Variants in CHODL observed in about 807,000 individuals in gnomAD.
CHODL encodes chondrolectin, also known as transmembrane protein MT75.
A neutral mutation model predicts 34.5 loss-of-function variants in CHODL; 29 were observed. The ratio of observed to expected loss-of-function variants is 0.84; its 90% CI spans 0.63 to 1.15. The LOEUF (loss-of-function observed/expected upper bound fraction) is 1.15, where lower values mean the gene tolerates loss of function less well. Ranked by LOEUF, CHODL falls within the 50% of genes most tolerant of loss-of-function variation. The pLI is 0.00. For synonymous variants in CHODL, 125 were observed against 116.1 expected (o/e 1.08, Z -0.49); for missense variants, 332 against 332.5 (o/e 1.00, Z 0.01).
intron 2 of CHODL, among the ~76,000 whole-genome samples, chr21:18,171,251 C>CTGCGGACT (rs1243537384): frequency 8.6e-6 from 1 of 115,854 alleles, no homozygotes; most frequent in African/African-American, 3.5e-5. Context: ...CCAGGCCAGA[C>CTGCGGACT]TGCGGACTGC....
chr21:17,968,631 C>CTTCCAA (rs1306975330), intron 1 of CHODL, among the ~76,000 whole-genome samples: 1 of 152,130 alleles, frequency 6.6e-6, no homozygotes, highest in African/African-American at 2.4e-5. Flanking sequence ...CCTTGTTAGT[C>CTTCCAA]TTCCAATTCC....
intron 2 of CHODL, among the ~76,000 whole-genome samples, chr21:18,121,044 C>T (rs1177777020): frequency 6.6e-6 from 1 of 152,108 alleles, no homozygotes; most frequent in East Asian, 1.9e-4. Flanking sequence ...TCATTTTGTA[C>T]CCTGGCTGTC....
At chr21:18,090,567 A>G (rs1343556532) in intron 2 of CHODL, among the ~76,000 whole-genome samples, 1 of 152,154 alleles carries the variant, frequency 6.6e-6, no homozygotes, top group Non-Finnish European at 1.5e-5. Context: ...CCCTAAAATA[A>G]CAACAGTGTG....
At chr21:18,019,591 T>G (rs1387028423) in intron 1 of CHODL, among the ~76,000 whole-genome samples, 1 of 152,204 alleles carries the variant, frequency 6.6e-6, no homozygotes, top group African/African-American at 2.4e-5. Flanking sequence ...TACCTCATAA[T>G]TATATATAAC....
rs1177005708 is a variant in CHODL at position 18,171,198 on chromosome 21, G to GTTTTTTTTT, written c.-44-85300_-44-85292dup. On this transcript the variant is annotated intron_variant, in intron 2 of 6. Transcript: ENST00000400127. ...TGTTCTTCAGACATGGTTTTCTTTA[G>GTTTTTTTTT]TTTTTTTTTTTTTTTTTTTGAGACG... Among the ~76,000 whole-genome samples, 3 of 37,082 alleles carry GTTTTTTTTT rather than the reference G, an allele frequency of 8.1e-5. 1 individual carries two copies. The highest frequency in any genetic ancestry group is 1.4e-4 in the African/African-American group (1 of 6,942). 24.3% of individuals were successfully genotyped at this position (37,082 alleles called of 152,430 possible). A position where few individuals can be genotyped will look rare whatever the true frequency, so the allele number is the denominator to read the frequency against.
At chr21:18,146,165 G>T (rs1338037001) in intron 2 of CHODL, among the ~76,000 whole-genome samples, 1 of 148,224 alleles carries the variant, frequency 6.7e-6, no homozygotes, top group Non-Finnish European at 1.5e-5. Context: ...TTTTAGTAGA[G>T]ACGGGCTTTC....
chr21:18,097,558 A>C (rs901669728), intron 2 of CHODL, among the ~76,000 whole-genome samples: 1 of 152,118 alleles, frequency 6.6e-6, no homozygotes, highest in Non-Finnish European at 1.5e-5. Context: ...ACACTGATGA[A>C]AGAAATTGAA....
At chr21:18,252,210 A>G (rs2074265725) in intron 1 of CHODL, among the ~76,000 whole-genome samples, 1 of 152,150 alleles carries the variant, frequency 6.6e-6, no homozygotes, top group Non-Finnish European at 1.5e-5. Context: ...GTTCGACGGC[A>G]TAAATGTAAG....
intron 1 of CHODL, among the ~76,000 whole-genome samples, chr21:18,003,775 C>G (rs1345796689): frequency 3.3e-5 from 5 of 152,228 alleles, no homozygotes; most frequent in Non-Finnish European, 5.9e-5. Flanking sequence ...AAGAGCAGTT[C>G]TGTCAGATCG....
intron 1 of CHODL, among the ~76,000 whole-genome samples, chr21:17,974,420 G>T (rs369240286): frequency 1.3e-5 from 2 of 151,870 alleles, no homozygotes; most frequent in Non-Finnish European, 2.9e-5. Flanking sequence ...TTACAGGCTC[G>T]TGCCACCACA....
Position 18,077,383 on chromosome 21 carries a change from G to C in CHODL, c.-45+49412G>C, listed in dbSNP as rs114882531. ...ATGAGACTTTGGACTTTAGACTTTT[G>C]AGTTAATGCTGGAGCAAGTTAAGAT... On this transcript the variant is annotated intron_variant, in intron 2 of 6. Coordinates refer to the CHODL transcript ENST00000400127. Among the ~76,000 whole-genome samples the C allele has an allele frequency of 5.7e-3, 867 of 152,262 alleles. 6 individuals carry two copies. Among genetic ancestry groups the C allele is most frequent in the African/African-American group, 0.019 (810 of 41,548 alleles).
chr21:18,048,498 G>T (rs1459388888), intron 2 of CHODL, among the ~76,000 whole-genome samples: 1 of 151,624 alleles, frequency 6.6e-6, no homozygotes, highest in Non-Finnish European at 1.5e-5. Flanking sequence ...CATGAATTTA[G>T]AAAATCATTG....
chr21:18,177,645 G>A (rs919171266), intron 2 of CHODL, among the ~76,000 whole-genome samples: 5 of 152,068 alleles, frequency 3.3e-5, no homozygotes, highest in African/African-American at 7.2e-5. Context: ...CAACATTTGT[G>A]AACAAAATCG....
At chr21:18,176,252 A>G in intron 2 of CHODL, among the ~76,000 whole-genome samples, 1 of 152,212 alleles carries the variant, frequency 6.6e-6, no homozygotes, top group Non-Finnish European at 1.5e-5. Context: ...AGATTAAGAA[A>G]ATCTGGAGAG....
intron 2 of CHODL, among the ~76,000 whole-genome samples, chr21:18,237,079 T>C (rs2074035224): frequency 6.6e-6 from 1 of 152,070 alleles, no homozygotes; most frequent in Admixed American, 6.6e-5. Context: ...TTTGTGGAAA[T>C]TAAAAAGTAA....
chr21:17,982,162 C>T (rs2063719005), intron 1 of CHODL, among the ~76,000 whole-genome samples: 1 of 152,218 alleles, frequency 6.6e-6, no homozygotes, highest in African/African-American at 2.4e-5. Context: ...CAACAGGCCT[C>T]TCTTATCCCC....
At chr21:18,191,013 T>A (rs1025332639) in intron 2 of CHODL, among the ~76,000 whole-genome samples, 2 of 152,262 alleles carry the variant, frequency 1.3e-5, no homozygotes, top group African/African-American at 4.8e-5. Flanking sequence ...CCATGAGATA[T>A]TTGTGTCAAC....
chr21:17,958,904 G>A (rs539921627), intron 1 of CHODL, among the ~76,000 whole-genome samples: 1 of 152,022 alleles, frequency 6.6e-6, no homozygotes, highest in South Asian at 2.1e-4. Context: ...GCAAGATTGG[G>A]GGACTCAGCC....
At chr21:18,143,672 A>G (rs1461952745) in intron 2 of CHODL, among the ~76,000 whole-genome samples, 1 of 152,030 alleles carries the variant, frequency 6.6e-6, no homozygotes, top group East Asian at 1.9e-4. Context: ...TTTGTGAATG[A>G]TTTAAAATAT....
Sources: gnomAD v4.1 joint callset for allele counts (sites outside exome capture counted in the v4.1 genomes callset) on GRCh38, gnomAD v4.1.1 for gene constraint, MANE v1.5 for transcripts, NCBI Gene and HGNC (gene_info 2026-07-23, HGNC 2026-07-21) for gene names.